Variants in CMIP observed in about 807,000 individuals in gnomAD.
The protein encoded by CMIP is c-Maf inducing protein.
A neutral mutation model predicts 97.3 loss-of-function variants in CMIP; 13 were observed. The observed-to-expected ratio is 0.13, with a 90% CI of 0.09 to 0.21. CMIP has a LOEUF of 0.21. Ranked by LOEUF, CMIP falls within the 10% of genes least tolerant of loss-of-function variation. The pLI is 1.00. For synonymous variants in CMIP, 538 were observed against 436.3 expected, an observed-to-expected ratio of 1.23 and a Z score of -2.91; for missense variants, 847 against 1,024.9, an observed-to-expected ratio of 0.83 and a Z score of 2.37.
intron 1 of CMIP, among the ~76,000 whole-genome samples, chr16:81,591,948 C>G (rs1394270468): frequency 6.6e-6 from 1 of 151,758 alleles, no homozygotes; most frequent in Non-Finnish European, 1.5e-5. Flanking sequence ...CTCAGCCTCC[C>G]AGGTAGCTGG....
intron 1 of CMIP, among the ~76,000 whole-genome samples, chr16:81,509,421 G>A (rs1393017369): frequency 2.6e-5 from 4 of 152,222 alleles, no homozygotes; most frequent in Non-Finnish European, 5.9e-5. Flanking sequence ...TGGCTTTGGA[G>A]ATAGGCACTT....
At chr16:81,519,389 GC>G (rs2089977416) in intron 1 of CMIP, 1 of 152,266 alleles carries the variant, frequency 6.6e-6, no homozygotes, top group Non-Finnish European at 1.5e-5. Context: ...TGAGAGCAGA[GC>G]CTGGGCTGCC....
chr16:81,639,436 A>C (rs1648262471), intron 3 of CMIP, among the ~76,000 whole-genome samples: 1 of 151,782 alleles, frequency 6.6e-6, no homozygotes, highest in Non-Finnish European at 1.5e-5. Flanking sequence ...CCTGGCATCC[A>C]CCATTCTGCT....
At chr16:81,477,922 G>A (rs756300073) in intron 1 of CMIP, among the ~76,000 whole-genome samples, 4 of 152,250 alleles carry the variant, frequency 2.6e-5, no homozygotes, top group Admixed American at 2.0e-4. Context: ...CTTCTGCCCT[G>A]TTAAGGTGAC....
intron 3 of CMIP, among the ~76,000 whole-genome samples, chr16:81,637,170 A>C (rs1179687993): frequency 2.6e-5 from 4 of 152,134 alleles, no homozygotes; most frequent in Admixed American, 6.5e-5. Flanking sequence ...TCCTGGGTTC[A>C]AGCATTTCTC....
intron 1 of CMIP, among the ~76,000 whole-genome samples, chr16:81,450,276 A>G (rs961818594): frequency 3.3e-5 from 5 of 152,162 alleles, no homozygotes; most frequent in Non-Finnish European, 5.9e-5. Context: ...AATACATGAG[A>G]TTAGGTGAGG....
Position 81,678,434 on chromosome 16 carries a change from C to G in CMIP, c.1194C>G (p.Ala398=). 6.3e-7 allele frequency: 1 copy of G among 1,591,462 alleles called. No individual in the cohort carries two copies. Among genetic ancestry groups the G allele is most frequent in the East Asian group, 2.3e-5 (1 of 43,116 alleles). Residue 398 remains alanine, a synonymous_variant, in exon 10 of 21, where the codon GCC becomes GCG. Coordinates refer to ENST00000537098, the MANE Select transcript of CMIP (RefSeq NM_198390.3). ...CCCGGCTCAAGTCGGTGGTCGTGGC[C>G]TCCAGTGAGATCCACGTGGAGGTGG... is the stretch of plus-strand genomic sequence containing the variant. ...SEARLKSVVV[A]SSEIHVEVER... is the part of the protein sequence containing the mutation.
At chr16:81,615,753 G>A (rs1447914094) in intron 2 of CMIP, among the ~76,000 whole-genome samples, 1 of 151,930 alleles carries the variant, frequency 6.6e-6, no homozygotes, top group East Asian at 1.9e-4. Context: ...TGTGTGTGGT[G>A]TATGTGTCTT....
At chr16:81,499,662 C>G (rs2089559033) in intron 1 of CMIP, among the ~76,000 whole-genome samples, 1 of 152,242 alleles carries the variant, frequency 6.6e-6, no homozygotes, top group African/African-American at 2.4e-5. Context: ...GGCATGTGGC[C>G]TCTGCCCGGG....
At chr16:81,477,860 C>T (rs531385225) in intron 1 of CMIP, among the ~76,000 whole-genome samples, 57 of 152,292 alleles carry the variant, frequency 3.7e-4, no homozygotes, top group African/African-American at 1.1e-3. Flanking sequence ...CTTACCATTT[C>T]GTTTGCATTC....
intron 1 of CMIP, among the ~76,000 whole-genome samples, chr16:81,577,328 C>T (rs1480251505): frequency 6.6e-6 from 1 of 150,512 alleles, no homozygotes; most frequent in Non-Finnish European, 1.5e-5. Context: ...ACATTATTAT[C>T]ACTATCACCA....
chr16:81,585,680 C>T (rs1050160477), intron 1 of CMIP, among the ~76,000 whole-genome samples: 1 of 126,784 alleles, frequency 7.9e-6, no homozygotes, highest in Non-Finnish European at 1.8e-5. Flanking sequence ...TGGCACAGTA[C>T]CTTTTGGCCA....
intron 9 of CMIP, among the ~76,000 whole-genome samples, chr16:81,673,797 T>C (rs1194737081): frequency 1.3e-5 from 2 of 152,202 alleles, no homozygotes; most frequent in Non-Finnish European, 2.9e-5. Flanking sequence ...GGATGTGACA[T>C]GCAGAACACA....
intron 1 of CMIP, among the ~76,000 whole-genome samples, chr16:81,575,688 A>G (rs1284676328): frequency 6.6e-6 from 1 of 152,150 alleles, no homozygotes; most frequent in Non-Finnish European, 1.5e-5. Context: ...ATTGTAGCCC[A>G]AGACACCAGC....
intron 2 of CMIP, chr16:81,619,560 C>T (rs1028259841): frequency 2.6e-5 from 4 of 152,254 alleles, no homozygotes; most frequent in Non-Finnish European, 5.9e-5. Flanking sequence ...CCCCCTGAAC[C>T]GTCAGAGGCA....
At chr16:81,615,726 TGTGTGTGTGTATG>T (rs1345813179) in intron 2 of CMIP, among the ~76,000 whole-genome samples, 1 of 149,860 alleles carries the variant, frequency 6.7e-6, no homozygotes, top group Non-Finnish European at 1.5e-5. Context: ...GTGTAACTGG[TGTGTGTGTGTATG>T]GTGTGTGTGT....
intron 1 of CMIP, among the ~76,000 whole-genome samples, chr16:81,597,731 G>T (rs1364952360): frequency 6.6e-6 from 1 of 152,102 alleles, no homozygotes; most frequent in Non-Finnish European, 1.5e-5. Context: ...TTCCTTTTGG[G>T]GTTCCTCTGA....
rs779627653 is a variant in CMIP at position 81,696,549 on chromosome 16, T to G, written c.1531-11T>G. On this transcript the variant is annotated splice_polypyrimidine_tract_variant and intron_variant, in intron 13 of 20. Coordinates refer to ENST00000537098, the MANE Select transcript of CMIP (RefSeq NM_198390.3). ...ATGCAGCTCACACTTGTGTCTTCCCTTGTCTGGCAGGTCCACTCATGCCTG... is the reference window on the plus strand; with the variant it reads ...ATGCAGCTCACACTTGTGTCTTCCCGTGTCTGGCAGGTCCACTCATGCCTG... The G allele has an allele frequency of 2.5e-6, 4 of 1,601,718 alleles. No homozygotes were observed. The African/African-American group carries it at 5.3e-5, about 21-fold the overall frequency.
Position 81,699,679 on chromosome 16 carries a change from T to C in CMIP, c.1639-6T>C, listed in dbSNP as rs768896204. On this transcript the variant is annotated splice_polypyrimidine_tract_variant and splice_region_variant and intron_variant, in intron 14 of 20. Transcript: ENST00000537098. ...GTCCCTTCACCTGGGCCTTCTTGCCTCACAGGTGCACATCCTCATGGGCTC... is the reference window on the plus strand; with the variant it reads ...GTCCCTTCACCTGGGCCTTCTTGCCCCACAGGTGCACATCCTCATGGGCTC... 7.4e-5 allele frequency: 119 copies of C among 1,600,372 alleles called. No homozygotes were observed. The highest frequency in any genetic ancestry group is 3.3e-4 in the Middle Eastern group (2 of 6,058).
Sources: allele counts gnomAD v4.1 joint callset (sites outside exome capture counted in the v4.1 genomes callset), GRCh38; gene constraint gnomAD v4.1.1; transcripts MANE v1.5; gene names NCBI Gene and HGNC (gene_info 2026-07-23, HGNC 2026-07-21).